The following KCTD9 variants were observed in gnomAD, a reference collection of about 807,000 sequenced individuals.
KCTD9 encodes the protein BTB/POZ domain-containing protein KCTD9.
Under a neutral mutation model 53.3 loss-of-function variants are expected in KCTD9, and 17 were observed. The observed-to-expected ratio is 0.32, with a 90% CI of 0.22 to 0.48. KCTD9 has a LOEUF of 0.48. Among genes scored for constraint, KCTD9 ranks in the 20% least tolerant of loss-of-function variants. The pLI is 0.99. For synonymous variants in KCTD9, 128 were observed against 162.7 expected, an observed-to-expected ratio of 0.79 and a Z score of 1.62; for missense variants, 179 against 465.5, an observed-to-expected ratio of 0.38 and a Z score of 5.66.
At chr8:25,449,038 C>G (rs11776825) in intron 1 of KCTD9, among the ~76,000 whole-genome samples, 61,926 of 152,094 alleles carry the variant, frequency 0.41, 13,071 homozygotes, top group African/African-American at 0.53. Flanking sequence ...TGGGACAAAG[C>G]GAAGCGAAAT....
At chr8:25,451,462 C>T (rs1034663798) in intron 1 of KCTD9, 1 of 152,144 alleles carries the variant, frequency 6.6e-6, no homozygotes, top group Non-Finnish European at 1.5e-5. Flanking sequence ...TTACAAAGGT[C>T]ATTTACTTTG....
chr8:25,433,269 G>C (rs1436101166), intron 10 of KCTD9, 61 bp downstream of exon 10: 1 of 884,590 alleles, frequency 1.1e-6, no homozygotes, highest in African/African-American at 2.1e-5. Context: ...TATTTTCCAG[G>C]GCTTTTTTCC....
rs1360365731 is a variant in KCTD9, at chr8:25,428,162, A to C, written c.*1695T>G. 6.6e-6 allele frequency: 1 copy of C among 152,658 alleles called. No homozygotes were observed. Among genetic ancestry groups the C allele is most frequent in the South Asian group, 2.1e-4 (1 of 4,832 alleles). 9.5% of individuals were successfully genotyped at this position (152,658 alleles called of 1,614,324 possible). ...TTTCTACAGAGGTACCTTTAAGTGA[A>C]TGAATACCACATTCTGTAATTCCTG... On this transcript the variant is annotated 3_prime_UTR_variant, in exon 12 of 12. Coordinates refer to ENST00000221200, the MANE Select transcript of KCTD9 (RefSeq NM_017634.4).
chr8:25,430,261 C>G (rs1477679834), intron 11 of KCTD9, among the ~76,000 whole-genome samples: 1 of 152,138 alleles, frequency 6.6e-6, no homozygotes, highest in East Asian at 1.9e-4. Flanking sequence ...AAACAGGGGT[C>G]CCCAACCCCT....
chr8:25,444,399 C>T, intron 2 of KCTD9, 64 bp from the exon 3 acceptor site: 4 of 1,413,854 alleles, frequency 2.8e-6, no homozygotes, highest in Admixed American at 1.8e-5. Context: ...TTATCTGTTG[C>T]TTATAGGAAC....
intron 6 of KCTD9, among the ~76,000 whole-genome samples, chr8:25,438,449 G>T (rs1443890012): frequency 2.0e-5 from 3 of 152,106 alleles, no homozygotes; most frequent in Non-Finnish European, 2.9e-5. Context: ...TGTTCAGCAT[G>T]TAATGTTTTC....
In KCTD9 at chr8:25,439,607, T is replaced by G. The variant is rs1271231581; in HGVS notation, c.369A>C (p.Lys123Asn). Reference protein sequence around the residue: ...DSMLAHMFKDKGVWGNKQDHR... With the variant: ...DSMLAHMFKDNGVWGNKQDHR... ...GTGAAAACAACGTGTTACACTCACCTTTGTCCTTAAACATGTGGGCCAGCA... is the reference window on the plus strand; with the variant it reads ...GTGAAAACAACGTGTTACACTCACCGTTGTCCTTAAACATGTGGGCCAGCA... Residue 123 changes from lysine (K) to asparagine (N), a missense_variant and splice_region_variant, in exon 5 of 12, where the codon AAA becomes AAC. Lys to Asn is a moderately conservative substitution (Grantham distance 94, BLOSUM62 0). Transcript: ENST00000221200. 1.2e-6 allele frequency: 2 copies of G among 1,613,998 alleles called. No homozygotes were observed. Among genetic ancestry groups the G allele is most frequent in the African/African-American group, 2.7e-5 (2 of 74,948 alleles).
chr8:25,428,863 A>G lies in KCTD9; in HGVS notation c.*994T>C. 6.6e-6 allele frequency: 1 copy of G among 152,068 alleles called. No homozygotes were observed. The highest frequency in any genetic ancestry group is 1.5e-5 in the Non-Finnish European group (1 of 67,998). 9.4% of individuals were successfully genotyped at this position (152,068 alleles called of 1,614,324 possible). A position where few individuals can be genotyped will look rare whatever the true frequency, so the allele number is the denominator to read the frequency against. ...GCCTTTTAGCAGGCAACTCTACCAT[A>G]TTCACTCATATAAGCTTTGATTGCA... On this transcript the variant is annotated 3_prime_UTR_variant, in exon 12 of 12. Transcript: ENST00000221200.
intron 3 of KCTD9, among the ~76,000 whole-genome samples, chr8:25,443,904 G>A (rs1802166955): frequency 6.6e-6 from 1 of 152,072 alleles, no homozygotes; most frequent in African/African-American, 2.4e-5. Context: ...GTGAAATACT[G>A]TCAAACACTA....
rs1210857874 is a variant in KCTD9 at position 25,428,306 on chromosome 8, A to G, written c.*1551T>C. On this transcript the variant is annotated 3_prime_UTR_variant, in exon 12 of 12. Coordinates refer to ENST00000221200, the MANE Select transcript of KCTD9 (RefSeq NM_017634.4). ...TGGTAAAAATAATAAAGCAAAGAAA[A>G]TAATTCATTTCTGAAGTTGCTTTCC... The G allele has an allele frequency of 2.0e-5, 3 of 152,652 alleles. No homozygotes were observed. Among genetic ancestry groups the G allele is most frequent in the Non-Finnish European group, 4.4e-5 (3 of 68,044 alleles). 9.5% of individuals were successfully genotyped at this position (152,652 alleles called of 1,614,324 possible). A position where few individuals can be genotyped will look rare whatever the true frequency, so the allele number is the denominator to read the frequency against.
chr8:25,437,245 A>T (rs1353772458), intron 6 of KCTD9, among the ~76,000 whole-genome samples: 1 of 152,162 alleles, frequency 6.6e-6, no homozygotes, highest in Non-Finnish European at 1.5e-5. Context: ...GAAACTCAAC[A>T]TATTATAAAA....
chr8:25,446,019 T>G, intron 2 of KCTD9, 110 bp downstream of exon 2: 3 of 1,403,654 alleles, frequency 2.1e-6, no homozygotes, highest in South Asian at 1.5e-5. Flanking sequence ...GGTAAACACT[T>G]GCCAAAATCC....
chr8:25,439,768 A>G, intron 4 of KCTD9, 104 bp from the exon 5 acceptor site: 4 of 1,578,048 alleles, frequency 2.5e-6, no homozygotes, highest in Non-Finnish European at 3.4e-6. Context: ...AAAAAGATGC[A>G]TGCTACAACC....
At chr8:25,440,944 A>ATT (rs1224445485) in intron 3 of KCTD9, among the ~76,000 whole-genome samples, 1 of 152,234 alleles carries the variant, frequency 6.6e-6, no homozygotes, top group Non-Finnish European at 1.5e-5. Flanking sequence ...GAACCCATGA[A>ATT]TGTTAAAGCC....
At chr8:25,442,251 T>C (rs1187201561) in intron 3 of KCTD9, among the ~76,000 whole-genome samples, 1 of 152,144 alleles carries the variant, frequency 6.6e-6, no homozygotes, top group Non-Finnish European at 1.5e-5. Context: ...CACCAATAAA[T>C]ATTCTACTAA....
chr8:25,453,484 T>C (rs1461494290), intron 1 of KCTD9, among the ~76,000 whole-genome samples: 1 of 151,406 alleles, frequency 6.6e-6, no homozygotes, highest in Non-Finnish European at 1.5e-5. Context: ...TGAAACCCTG[T>C]CTCTACTAAA....
In KCTD9 at chr8:25,436,335, A is replaced by T; in HGVS notation, c.568-5T>A. 6.2e-7 allele frequency: 1 copy of T among 1,609,348 alleles called. No individual in the cohort carries two copies. The highest frequency in any genetic ancestry group is 8.5e-7 in the Non-Finnish European group (1 of 1,176,112). ...ATCCTCCGGTGGTTGAGAATTCTTA[A>T]AAAAGACATTAAGAAATTAGTGGAG... On this transcript the variant is annotated splice_region_variant and splice_polypyrimidine_tract_variant and intron_variant, in intron 7 of 11. Coordinates refer to ENST00000221200, the MANE Select transcript of KCTD9 (RefSeq NM_017634.4).
intron 9 of KCTD9, 36 bp downstream of exon 9, chr8:25,435,327 A>C: frequency 1.3e-6 from 2 of 1,483,450 alleles, no homozygotes. Context: ...TAGACTAAAC[A>C]TTTAATTTTC....
intron 4 of KCTD9, among the ~76,000 whole-genome samples, chr8:25,440,014 T>C (rs928984008): frequency 6.6e-6 from 1 of 152,196 alleles, no homozygotes; most frequent in Non-Finnish European, 1.5e-5. Flanking sequence ...GTAGTGTTAA[T>C]TTTTACTTAT....
Sources: gnomAD v4.1 joint callset for allele counts (sites outside exome capture counted in the v4.1 genomes callset) on GRCh38, gnomAD v4.1.1 for gene constraint, MANE v1.5 for transcripts, NCBI Gene and HGNC (gene_info 2026-07-23, HGNC 2026-07-21) for gene names.